Variants in SULF1 observed in about 807,000 individuals in gnomAD.
The protein encoded by SULF1 is sulfatase 1.
A neutral mutation model predicts 110.5 loss-of-function variants in SULF1; 46 were observed. The observed-to-expected ratio is 0.42, with a 90% CI of 0.33 to 0.53. SULF1 has a LOEUF of 0.53. SULF1 is among the 20% of genes least tolerant of loss of function. The probability of loss-of-function intolerance (pLI) is 0.12; values close to 1 mark genes in which losing one functional copy is unlikely to be tolerated. For missense variants in SULF1, 941 were observed against 1,094.2 expected (o/e 0.86, Z 1.98); for synonymous variants, 371 against 387.1 (o/e 0.96, Z 0.49).
Position 69,638,493 on chromosome 8 carries a change from A to G in SULF1, c.2285-9A>G. The G allele has an allele frequency of 6.2e-7, 1 of 1,607,848 alleles. No homozygotes were observed. The highest frequency in any genetic ancestry group is 8.5e-7 in the Non-Finnish European group (1 of 1,178,762). ...TTGTTTTGTTGTGTTTTTCTTTTTT[A>G]CCCAACAGTGGGATCTTTCTGTGCT... On this transcript the variant is annotated splice_polypyrimidine_tract_variant and intron_variant, in intron 19 of 22. Coordinates refer to ENST00000402687, the MANE Select transcript of SULF1 (RefSeq NM_001128205.2).
intron 5 of SULF1, among the ~76,000 whole-genome samples, chr8:69,575,749 G>C (rs566403452): frequency 7.2e-4 from 109 of 152,076 alleles, no homozygotes; most frequent in African/African-American, 2.5e-3. Context: ...GTGATTACAG[G>C]GAGGAGAAGT....
chr8:69,576,294 G>A (rs1805606737), intron 6 of SULF1, 85 bp downstream of exon 6: 2 of 1,470,064 alleles, frequency 1.4e-6, no homozygotes, highest in South Asian at 1.3e-5. Context: ...AATGCATGAA[G>A]TTCCAACAAA....
intron 3 of SULF1, among the ~76,000 whole-genome samples, chr8:69,544,874 ATTC>A (rs1220816450): frequency 6.6e-6 from 1 of 152,154 alleles, no homozygotes; most frequent in Non-Finnish European, 1.5e-5. Flanking sequence ...AAATACTGAA[ATTC>A]TTCTTTTGGA....
chr8:69,645,424 G>A (rs1383865408), intron 22 of SULF1, among the ~76,000 whole-genome samples: 1 of 152,186 alleles, frequency 6.6e-6, no homozygotes, highest in East Asian at 1.9e-4. Flanking sequence ...GGGGGAAAAT[G>A]TGCCCTCATT....
chr8:69,526,522 G>T (rs1812673559), intron 3 of SULF1, among the ~76,000 whole-genome samples: 1 of 151,136 alleles, frequency 6.6e-6, no homozygotes, highest in Non-Finnish European at 1.5e-5. Flanking sequence ...AGCACTTTGG[G>T]AGCCCAAGGT....
intron 3 of SULF1, among the ~76,000 whole-genome samples, chr8:69,533,208 G>A (rs1253096485): frequency 1.3e-5 from 2 of 152,146 alleles, no homozygotes; most frequent in Non-Finnish European, 2.9e-5. Flanking sequence ...TGGACCATTT[G>A]TTCCAAAAGC....
chr8:69,540,183 A>G lies in SULF1; in HGVS notation c.-133-23356A>G, dbSNP rs185863982. 1.2e-3 allele frequency among the ~76,000 whole-genome samples: 183 copies of G among 152,322 alleles called. 4 individuals are homozygous for G. The highest frequency in any genetic ancestry group is 0.012 in the Admixed American group (182 of 15,296). On this transcript the variant is annotated intron_variant, in intron 3 of 22. Coordinates refer to ENST00000402687, the MANE Select transcript of SULF1 (RefSeq NM_001128205.2). ...GGATAAATGGAAAGAGAGGATACAT[A>G]TGGCCACCAGATTCATCTCTCTATT...
At chr8:69,553,664 G>C (rs573435138) in intron 3 of SULF1, among the ~76,000 whole-genome samples, 20 of 152,272 alleles carry the variant, frequency 1.3e-4, no homozygotes, top group South Asian at 4.2e-4. Context: ...ACTATTGTTG[G>C]AAATAGTTGC....
At chr8:69,605,387 A>G (rs1246072525) in intron 13 of SULF1, among the ~76,000 whole-genome samples, 1 of 152,162 alleles carries the variant, frequency 6.6e-6, no homozygotes, top group Non-Finnish European at 1.5e-5. Flanking sequence ...AGAGCCTGTG[A>G]CCAAGCTTGA....
At chr8:69,468,824 C>T (rs1173391113) in intron 1 of SULF1, among the ~76,000 whole-genome samples, 1 of 152,180 alleles carries the variant, frequency 6.6e-6, no homozygotes, top group Admixed American at 6.5e-5. Flanking sequence ...ATCGGATTTT[C>T]CTCCCTGAGA....
chr8:69,558,901 T>C (rs185288721), intron 3 of SULF1, among the ~76,000 whole-genome samples: 7 of 152,304 alleles, frequency 4.6e-5, no homozygotes, highest in Admixed American at 4.6e-4. Flanking sequence ...AAATCTATTA[T>C]ATGTTAACCT....
At chr8:69,513,424 A>T (rs1220559101) in intron 3 of SULF1, among the ~76,000 whole-genome samples, 1 of 152,188 alleles carries the variant, frequency 6.6e-6, no homozygotes, top group East Asian at 1.9e-4. Context: ...AAAGGCAAGA[A>T]CTCCATGGAA....
At chr8:69,512,859 C>T (rs1811667582) in intron 3 of SULF1, among the ~76,000 whole-genome samples, 2 of 152,180 alleles carry the variant, frequency 1.3e-5, no homozygotes, top group African/African-American at 2.4e-5. Context: ...CCAGAATACC[C>T]TTGTGCCACA....
At chr8:69,510,620 GTTT>G (rs11333922) in intron 3 of SULF1, among the ~76,000 whole-genome samples, 5 of 131,094 alleles carry the variant, frequency 3.8e-5, no homozygotes, top group East Asian at 2.2e-4. Flanking sequence ...GTTTTTTTTT[GTTT>G]TTTTTTTTTT....
intron 3 of SULF1, among the ~76,000 whole-genome samples, chr8:69,526,719 A>G (rs1368082922): frequency 2.0e-5 from 3 of 151,782 alleles, no homozygotes; most frequent in Non-Finnish European, 4.4e-5. Context: ...TGAGCCCAGG[A>G]GGTTGAGGCT....
chr8:69,501,429 C>T (rs1022011951), intron 2 of SULF1, among the ~76,000 whole-genome samples: 10 of 152,206 alleles, frequency 6.6e-5, no homozygotes, highest in African/African-American at 1.9e-4. Flanking sequence ...GAAATGCTTA[C>T]TTTGCTAGTC....
At chr8:69,536,123 C>T (rs1228727453) in intron 3 of SULF1, among the ~76,000 whole-genome samples, 3 of 152,078 alleles carry the variant, frequency 2.0e-5, no homozygotes, top group African/African-American at 7.2e-5. Context: ...TTAATTTGAT[C>T]ATGTACTCTT....
intron 13 of SULF1, among the ~76,000 whole-genome samples, chr8:69,608,190 A>T (rs1808377671): frequency 6.6e-6 from 1 of 152,204 alleles, no homozygotes; most frequent in Admixed American, 6.5e-5. Flanking sequence ...TAGGTCACTT[A>T]CTTTCTCCTG....
At chr8:69,618,427 G>C (rs1809347931) in intron 13 of SULF1, among the ~76,000 whole-genome samples, 1 of 152,162 alleles carries the variant, frequency 6.6e-6, no homozygotes, top group Non-Finnish European at 1.5e-5. Context: ...CATTGTATTA[G>C]ATATTACAAG....
Sources: allele counts gnomAD v4.1 joint callset (sites outside exome capture counted in the v4.1 genomes callset), GRCh38; gene constraint gnomAD v4.1.1; transcripts MANE v1.5; gene names NCBI Gene and HGNC (gene_info 2026-07-23, HGNC 2026-07-21).